MDGA2: variants seen among roughly 807,000 people sequenced by gnomAD.
MDGA2 encodes the protein MAM domain-containing glycosylphosphatidylinositol anchor protein 2.
A neutral mutation model predicts 117.8 loss-of-function variants in MDGA2; 40 were observed. The ratio of observed to expected loss-of-function variants is 0.34; its 90% CI spans 0.26 to 0.44. The LOEUF (loss-of-function observed/expected upper bound fraction) is 0.44. Ranked by LOEUF, MDGA2 falls within the 20% of genes least tolerant of loss-of-function variation. The pLI is 1.00. For synonymous variants in MDGA2, 452 were observed against 439.0 expected (o/e 1.03, Z -0.37); for missense variants, 1,123 against 1,250.6 (o/e 0.90, Z 1.54).
At chr14:47,394,490 C>A (rs1251756555) in intron 1 of MDGA2, among the ~76,000 whole-genome samples, 3 of 152,074 alleles carry the variant, frequency 2.0e-5, no homozygotes, top group African/African-American at 7.2e-5. Flanking sequence ...ATAGGCGTGG[C>A]TATTTGATTT....
intron 1 of MDGA2, among the ~76,000 whole-genome samples, chr14:47,568,815 C>A (rs770756679): frequency 4.6e-5 from 7 of 151,954 alleles, no homozygotes; most frequent in Admixed American, 6.6e-5. Context: ...ACTTTGCTGG[C>A]TATAAAACAT....
rs547766788 is a variant in MDGA2 at position 47,366,804 on chromosome 14, A to G, written c.281-65254T>C. 3.4e-4 allele frequency among the ~76,000 whole-genome samples: 51 copies of G among 150,968 alleles called. No individual in the cohort carries two copies. The Middle Eastern group carries it at 0.01, about 31-fold the overall frequency. On this transcript the variant is annotated intron_variant, in intron 1 of 16. Transcript: ENST00000399232. ...TAAAATATTACATGAACTTCAAGTC[A>G]CGTAACAGTACTTATCTCCAAGCAG...
intron 1 of MDGA2, among the ~76,000 whole-genome samples, chr14:47,549,229 T>C (rs959842175): frequency 2.0e-5 from 3 of 152,226 alleles, no homozygotes; most frequent in Non-Finnish European, 4.4e-5. Flanking sequence ...CAAAGTTCTT[T>C]GCTCTTTTTG....
chr14:46,996,109 TATGAG>T (rs1266363077), intron 8 of MDGA2, among the ~76,000 whole-genome samples: 6 of 152,158 alleles, frequency 3.9e-5, no homozygotes, highest in Non-Finnish European at 8.8e-5. Flanking sequence ...TCCTGGGAGA[TATGAG>T]ATAAGTGCCA....
At chr14:47,136,287 T>C (rs1882452410) in intron 4 of MDGA2, among the ~76,000 whole-genome samples, 1 of 148,982 alleles carries the variant, frequency 6.7e-6, no homozygotes, top group African/African-American at 2.5e-5. Flanking sequence ...AAACTCTGCC[T>C]CCAGGTTCAA....
intron 2 of MDGA2, among the ~76,000 whole-genome samples, chr14:47,285,448 T>C (rs1261276512): frequency 2.6e-5 from 4 of 152,182 alleles, no homozygotes; most frequent in Non-Finnish European, 4.4e-5. Flanking sequence ...TTTAGAGATA[T>C]TGTCTAAAAA....
At chr14:46,869,143 CCT>C (rs959559954) in intron 14 of MDGA2, among the ~76,000 whole-genome samples, 9 of 151,908 alleles carry the variant, frequency 5.9e-5, no homozygotes, top group Non-Finnish European at 7.4e-5. Flanking sequence ...TTGCTTTCCC[CCT>C]GTTTACTCCA....
intron 1 of MDGA2, among the ~76,000 whole-genome samples, chr14:47,510,041 T>C (rs1594893080): frequency 6.6e-6 from 1 of 152,280 alleles, no homozygotes; most frequent in East Asian, 1.9e-4. Flanking sequence ...TATTTGTGTC[T>C]CATGAAAATT....
intron 10 of MDGA2, among the ~76,000 whole-genome samples, chr14:46,913,748 T>G (rs751035343): frequency 1.3e-5 from 2 of 152,298 alleles, no homozygotes; most frequent in East Asian, 3.9e-4. Flanking sequence ...CTTGCCCCAC[T>G]ACCTGGCAGT....
intron 1 of MDGA2, among the ~76,000 whole-genome samples, chr14:47,610,187 C>G (rs553053635): frequency 6.6e-6 from 1 of 152,196 alleles, no homozygotes; most frequent in African/African-American, 2.4e-5. Context: ...TAAAAGTCAT[C>G]TATGACAAAC....
intron 1 of MDGA2, among the ~76,000 whole-genome samples, chr14:47,387,628 ATT>A (rs1181151476): frequency 6.6e-6 from 1 of 152,228 alleles, no homozygotes; most frequent in African/African-American, 2.4e-5. Flanking sequence ...AAGATACTCA[ATT>A]GTTTTGAAAC....
At chr14:47,421,976 A>G (rs978212968) in intron 1 of MDGA2, among the ~76,000 whole-genome samples, 2 of 55,804 alleles carry the variant, frequency 3.6e-5, no homozygotes, top group Admixed American at 2.2e-4. Context: ...TGACTGTAAT[A>G]AAGTATTGTA....
intron 2 of MDGA2, among the ~76,000 whole-genome samples, chr14:47,263,841 A>G (rs1043789565): frequency 1.3e-5 from 2 of 152,156 alleles, no homozygotes; most frequent in Non-Finnish European, 2.9e-5. Flanking sequence ...TGTCATTTAC[A>G]ATTTTTACCA....
At chr14:47,655,886 A>G (rs1464044713) in intron 1 of MDGA2, among the ~76,000 whole-genome samples, 2 of 152,134 alleles carry the variant, frequency 1.3e-5, no homozygotes, top group Non-Finnish European at 1.5e-5. Context: ...AGCTTAGACC[A>G]TATAATCCCA....
intron 1 of MDGA2, among the ~76,000 whole-genome samples, chr14:47,579,996 C>T (rs1594927729): frequency 6.6e-6 from 1 of 152,066 alleles, no homozygotes; most frequent in East Asian, 1.9e-4. Flanking sequence ...AATTATTATT[C>T]TTATATTACA....
chr14:47,370,780 A>T (rs1220649012), intron 1 of MDGA2, among the ~76,000 whole-genome samples: 1 of 151,622 alleles, frequency 6.6e-6, no homozygotes, highest in Non-Finnish European at 1.5e-5. Context: ...CACTTGCTTT[A>T]GGTGTCCAAT....
chr14:47,262,853 C>T (rs923874874), intron 2 of MDGA2, among the ~76,000 whole-genome samples: 7 of 152,132 alleles, frequency 4.6e-5, no homozygotes, highest in Non-Finnish European at 1.0e-4. Flanking sequence ...ATTTGGCTTT[C>T]TTTACAGCTT....
chr14:47,173,979 A>C (rs1400567308), intron 3 of MDGA2, among the ~76,000 whole-genome samples: 1 of 152,220 alleles, frequency 6.6e-6, no homozygotes. Context: ...GAAAACAAAA[A>C]AAGGCATGGG....
intron 5 of MDGA2, among the ~76,000 whole-genome samples, chr14:47,102,219 T>C (rs530034273): frequency 1.6e-4 from 24 of 152,144 alleles, no homozygotes; most frequent in Non-Finnish European, 3.1e-4. Context: ...CAACTTAGTA[T>C]AAAGCAGTTA....
Sources: gnomAD v4.1 joint callset for allele counts (sites outside exome capture counted in the v4.1 genomes callset) on GRCh38, gnomAD v4.1.1 for gene constraint, MANE v1.5 for transcripts, NCBI Gene and HGNC (gene_info 2026-07-23, HGNC 2026-07-21) for gene names.